Variants in SEMA3E observed in about 807,000 individuals in gnomAD.
SEMA3E encodes semaphorin-3E.
A neutral mutation model predicts 93.6 loss-of-function variants in SEMA3E; 49 were observed. The ratio of observed to expected loss-of-function variants is 0.52; its 90% CI spans 0.42 to 0.66. SEMA3E has a LOEUF of 0.66. Ranked by LOEUF, SEMA3E falls within the 30% of genes least tolerant of loss-of-function variation. The probability of loss-of-function intolerance (pLI) is 0.00; values close to 1 mark genes in which losing one functional copy is unlikely to be tolerated. For synonymous variants in SEMA3E, 363 were observed against 330.7 expected (o/e 1.10, Z -1.06); for missense variants, 906 against 964.8 (o/e 0.94, Z 0.81).
intron 1 of SEMA3E, among the ~76,000 whole-genome samples, chr7:83,492,649 C>T (rs572782891): frequency 2.6e-5 from 4 of 151,880 alleles, no homozygotes; most frequent in South Asian, 2.1e-4. Context: ...AGGGAAAGAA[C>T]GGAAGTGTGC....
chr7:83,593,260 G>GTCTCTCTC (rs1186592715), intron 1 of SEMA3E, among the ~76,000 whole-genome samples: 15 of 96,354 alleles, frequency 1.6e-4, no homozygotes, highest in African/African-American at 6.1e-4. Context: ...CTCTCTCTCT[G>GTCTCTCTC]TCTCTCTCTC....
intron 16 of SEMA3E, among the ~76,000 whole-genome samples, chr7:83,373,958 G>A (rs188780371): frequency 2.5e-4 from 38 of 152,214 alleles, no homozygotes; most frequent in Admixed American, 1.2e-3. Context: ...TGTAATCCCA[G>A]CACTTTGGGA....
chr7:83,540,376 G>A (rs539992249), intron 1 of SEMA3E, among the ~76,000 whole-genome samples: 3 of 148,530 alleles, frequency 2.0e-5, no homozygotes, highest in African/African-American at 7.3e-5. Flanking sequence ...CAGTACTACT[G>A]GTCTTTGAAT....
chr7:83,594,098 A>G (rs1792817518), intron 1 of SEMA3E, among the ~76,000 whole-genome samples: 1 of 152,184 alleles, frequency 6.6e-6, no homozygotes, highest in Non-Finnish European at 1.5e-5. Context: ...ATGGTGAATT[A>G]TGCCAATATG....
intron 1 of SEMA3E, among the ~76,000 whole-genome samples, chr7:83,639,636 A>G (rs369067915): frequency 6.6e-6 from 1 of 150,920 alleles, no homozygotes; most frequent in Admixed American, 6.6e-5. Context: ...CTATAACACC[A>G]TATCATTCAT....
chr7:83,505,578 C>T (rs1348083128), intron 1 of SEMA3E, among the ~76,000 whole-genome samples: 1 of 152,086 alleles, frequency 6.6e-6, no homozygotes, highest in Non-Finnish European at 1.5e-5. Context: ...CTATTGTCAT[C>T]TCTAGTTGGG....
chr7:83,430,212 C>T (rs1199240547), intron 4 of SEMA3E, among the ~76,000 whole-genome samples: 2 of 152,016 alleles, frequency 1.3e-5, no homozygotes, highest in Non-Finnish European at 2.9e-5. Context: ...TGCTTGTAAT[C>T]CCAGCACTTT....
rs114192827 is a variant in SEMA3E, at chr7:83,393,389, C to A, written c.1501-668G>T. Among the ~76,000 whole-genome samples, 1,401 of 152,088 alleles carry A rather than the reference C, an allele frequency of 9.2e-3. 22 individuals are homozygous for A. The highest frequency in any genetic ancestry group is 0.033 in the African/African-American group (1,356 of 41,472). On this transcript the variant is annotated intron_variant, in intron 13 of 16. Coordinates refer to ENST00000643230, the MANE Select transcript of SEMA3E (RefSeq NM_012431.3). ...TCTCTACAAAAAATACAAAAATTAG[C>A]TGGTAATATGTGCCTGTGGTCTCAG...
rs567273541 is a variant in SEMA3E at position 83,615,715 on chromosome 7, C to T, written c.115+32713G>A. On this transcript the variant is annotated intron_variant, in intron 1 of 16. Transcript: ENST00000643230. ...CCCACCTAAATGCAGATTATAGCAA[C>T]GATAAAGTAATACTTCTATTGCTGT... Among the ~76,000 whole-genome samples the T allele has an allele frequency of 1.4e-4, 22 of 152,120 alleles. No individual in the cohort carries two copies. In the East Asian group the frequency reaches 2.3e-3, roughly 16 times the overall value.
At chr7:83,418,524 T>C in intron 4 of SEMA3E, 41 bp from the exon 5 acceptor site, 1 of 1,311,014 alleles carries the variant, frequency 7.6e-7, no homozygotes, top group Non-Finnish European at 1.1e-6. Context: ...ATATGCCTCC[T>C]CTAATAATCA....
chr7:83,607,415 C>T (rs1793147021), intron 1 of SEMA3E, among the ~76,000 whole-genome samples: 1 of 152,154 alleles, frequency 6.6e-6, no homozygotes, highest in African/African-American at 2.4e-5. Flanking sequence ...AGAGGCTTTG[C>T]TTTGCCTATG....
intron 1 of SEMA3E, among the ~76,000 whole-genome samples, chr7:83,522,138 G>A (rs1791063240): frequency 6.6e-6 from 1 of 152,074 alleles, no homozygotes; most frequent in African/African-American, 2.4e-5. Context: ...GAAATTATCA[G>A]TTTTCTCCTA....
intron 1 of SEMA3E, among the ~76,000 whole-genome samples, chr7:83,589,039 G>C (rs984454649): frequency 9.9e-5 from 15 of 152,160 alleles, no homozygotes; most frequent in African/African-American, 3.6e-4. Flanking sequence ...TTGGAAAGGA[G>C]AGCTCTCCTT....
chr7:83,385,452 T>C lies in SEMA3E; in HGVS notation c.1736-19A>G. The C allele has an allele frequency of 6.2e-7, 1 of 1,612,594 alleles. No individual in the cohort carries two copies. The highest frequency in any genetic ancestry group is 8.5e-7 in the Non-Finnish European group (1 of 1,178,812). On this transcript the variant is annotated intron_variant, in intron 15 of 16. Coordinates refer to ENST00000643230, the MANE Select transcript of SEMA3E (RefSeq NM_012431.3). ...GCATCCCCTACAACAGGAACATTAA[T>C]GCCATCTTTGAGACTTAGATTTTAT...
chr7:83,520,499 T>C (rs540194929), intron 1 of SEMA3E, among the ~76,000 whole-genome samples: 5 of 152,036 alleles, frequency 3.3e-5, no homozygotes, highest in East Asian at 3.9e-4. Flanking sequence ...CAGTGGGAAA[T>C]TGAACAAAAA....
chr7:83,367,923 G>C lies in SEMA3E; in HGVS notation c.1991C>G (p.Thr664Arg). ...TACCTCCAAGGTGATTTTACGGACC[G>C]TATGGACAAAGCTATGCTCTACTGT... ...CQTVEHSFVH[T>R]VRKITLEVVE... Residue 664 changes from threonine to arginine, a missense_variant, in exon 17 of 17, where the codon ACG becomes AGG. Coordinates refer to ENST00000643230, the MANE Select transcript of SEMA3E (RefSeq NM_012431.3). 6.2e-7 allele frequency: 1 copy of C among 1,611,654 alleles called. No individual in the cohort carries two copies. The highest frequency in any genetic ancestry group is 8.5e-7 in the Non-Finnish European group (1 of 1,178,646).
intron 16 of SEMA3E, 123 bp from the exon 17 acceptor site, chr7:83,368,161 A>T: frequency 1.2e-6 from 1 of 812,506 alleles, no homozygotes; most frequent in South Asian, 1.5e-5. Context: ...AACCCTGAAA[A>T]TCATACATAC....
chr7:83,388,931 A>G (rs1787938824), intron 14 of SEMA3E, among the ~76,000 whole-genome samples: 2 of 151,690 alleles, frequency 1.3e-5, no homozygotes, highest in Non-Finnish European at 2.9e-5. Flanking sequence ...ATATTAATAG[A>G]TATTAAAAAC....
chr7:83,506,254 A>G (rs952150632), intron 1 of SEMA3E, among the ~76,000 whole-genome samples: 1 of 152,076 alleles, frequency 6.6e-6, no homozygotes, highest in African/African-American at 2.4e-5. Context: ...GAAAACGTAT[A>G]GCGCATATAC....
Sources: gnomAD v4.1 joint callset for allele counts (sites outside exome capture counted in the v4.1 genomes callset) on GRCh38, gnomAD v4.1.1 for gene constraint, MANE v1.5 for transcripts, NCBI Gene and HGNC (gene_info 2026-07-23, HGNC 2026-07-21) for gene names.